DSCAML1: variants seen among roughly 807,000 people sequenced by gnomAD.
The protein encoded by DSCAML1 is cell adhesion molecule DSCAML1.
In DSCAML1, 38 loss-of-function variants were observed where a neutral mutation model predicts 200.5. That is an observed-to-expected ratio of 0.19 (90% CI 0.15 to 0.25). DSCAML1 has a LOEUF of 0.25. Ranked by LOEUF, DSCAML1 falls within the 10% of genes least tolerant of loss-of-function variation. The pLI, the probability that DSCAML1 is intolerant of heterozygous loss-of-function variation, is 1.00. For synonymous variants in DSCAML1, 1,215 were observed against 1,165.0 expected, an observed-to-expected ratio of 1.04 and a Z score of -0.87; for missense variants, 2,223 against 2,858.8, an observed-to-expected ratio of 0.78 and a Z score of 5.07.
At chr11:117,757,995 G>C (rs11216532) in intron 3 of DSCAML1, among the ~76,000 whole-genome samples, 3 of 85,516 alleles carry the variant, frequency 3.5e-5, no homozygotes, top group Admixed American at 1.6e-4. Context: ...ACCTCAAAAA[G>C]CAAAAACAAA....
In DSCAML1 at chr11:117,518,644, G is replaced by C; in HGVS notation, c.1332C>G (p.Asp444Glu). The C allele has an allele frequency of 3.1e-6, 5 of 1,613,418 alleles. No individual in the cohort carries two copies. Among genetic ancestry groups the C allele is most frequent in the Non-Finnish European group, 4.2e-6 (5 of 1,179,916 alleles). ...APPPTVTWAL[D>E]DEPIVRDGSH... The stretch of plus-strand genomic sequence containing the variant: ...TGCCATCCCGCACGATGGGCTCATC[G>C]TCGAGGGCCCAGGTGACCGTGGGGG... Residue 444 changes from aspartate (D) to glutamate (E), a missense_variant, in exon 7 of 33, where the codon GAC becomes GAG. Around this residue, in one of 7 missense-constraint regions of DSCAML1, gnomAD observed 579 missense variants for 721.5 expected, o/e 0.80. Transcript: ENST00000651296. This position sits in a 1 kb window ranked among gnomAD's most constrained non-coding sequence, Gnocchi z 6.3.
chr11:117,451,557 C>T (rs1299076853), intron 19 of DSCAML1, among the ~76,000 whole-genome samples: 1 of 152,210 alleles, frequency 6.6e-6, no homozygotes, highest in Non-Finnish European at 1.5e-5. Flanking sequence ...GGTGCGGTGG[C>T]TCATGCCTGT....
At chr11:117,530,709 A>G (rs763612035) in intron 4 of DSCAML1, among the ~76,000 whole-genome samples, 2 of 152,054 alleles carry the variant, frequency 1.3e-5, no homozygotes, top group Non-Finnish European at 2.9e-5. Flanking sequence ...TCCTGGAGAG[A>G]GTCTCTGTGG....
Position 117,504,108 on chromosome 11 carries a change from T to C in DSCAML1, c.2183-87A>G. ...CAGGAGTGGCCCTGACACCTCGCTCTTGCAGATCTAGGGCCATTTTGTAGC... is the reference window on the plus strand; with the variant it reads ...CAGGAGTGGCCCTGACACCTCGCTCCTGCAGATCTAGGGCCATTTTGTAGC... On this transcript the variant is annotated intron_variant, in intron 10 of 32. Transcript: ENST00000651296. The surrounding 1 kb of genome is among the most constrained non-coding windows in gnomAD (Gnocchi z 5.0). 1 of 1,484,064 alleles carries C rather than the reference T, an allele frequency of 6.7e-7. No individual in the cohort carries two copies. 91.9% of individuals were successfully genotyped at this position (1,484,064 alleles called of 1,614,324 possible).
At chr11:117,710,670 A>T (rs991607241) in intron 3 of DSCAML1, among the ~76,000 whole-genome samples, 5 of 152,232 alleles carry the variant, frequency 3.3e-5, no homozygotes, top group African/African-American at 1.2e-4. Flanking sequence ...CTGTGAGGTC[A>T]TTAGTGTTAA....
chr11:117,522,211 GA>G (rs1212756118), intron 5 of DSCAML1, among the ~76,000 whole-genome samples: 2 of 152,156 alleles, frequency 1.3e-5, no homozygotes, highest in African/African-American at 4.8e-5. Flanking sequence ...CCTCTTCCAG[GA>G]AGCCTTCCTG....
intron 19 of DSCAML1, among the ~76,000 whole-genome samples, chr11:117,455,040 G>A (rs1263081111): frequency 6.6e-6 from 1 of 152,182 alleles, no homozygotes; most frequent in East Asian, 1.9e-4. Context: ...TGTTCCAAAT[G>A]TCAGGCTCAC....
At chr11:117,814,610 G>GGGGTGAGGCACTGGGATCGGT (rs2055787919) in intron 1 of DSCAML1, among the ~76,000 whole-genome samples, 2 of 152,362 alleles carry the variant, frequency 1.3e-5, no homozygotes, top group African/African-American at 4.8e-5. Context: ...TGCCCAAAGG[G>GGGGTGAGGCACTGGGATCGGT]GGGTGAGGCA....
At chr11:117,711,456 G>A (rs2053847835) in intron 3 of DSCAML1, among the ~76,000 whole-genome samples, 1 of 152,198 alleles carries the variant, frequency 6.6e-6, no homozygotes, top group South Asian at 2.1e-4. Flanking sequence ...CTTGGCTTAG[G>A]TGAAGGTTCA....
chr11:117,547,361 C>T lies in DSCAML1; in HGVS notation c.512-14839G>A, dbSNP rs184882523. On this transcript the variant is annotated intron_variant, in intron 3 of 32. Transcript: ENST00000651296. ...CAACAGAACCCCAGTAGCTGCACGG[C>T]GGCAGGGAAGGGGACCCTTGTGTGC... Among the ~76,000 whole-genome samples, 105 of 152,300 alleles carry T rather than the reference C, an allele frequency of 6.9e-4. 1 individual carries two copies. Among genetic ancestry groups the T allele is most frequent in the Non-Finnish European group, 1.3e-3 (89 of 68,018 alleles).
intron 3 of DSCAML1, among the ~76,000 whole-genome samples, chr11:117,567,184 C>T (rs540044493): frequency 2.4e-3 from 359 of 152,344 alleles, no homozygotes; most frequent in African/African-American, 7.6e-3. Flanking sequence ...AACTAGTTTA[C>T]GGTCCCACTA....
upstream of DSCAML1, chr11:117,797,239 C>A (rs972924102): frequency 6.9e-7 from 1 of 1,450,342 alleles, no homozygotes; most frequent in African/African-American, 1.5e-5. Flanking sequence ...CCTCCCTCCT[C>A]GGCTCCCCGG....
intron 14 of DSCAML1, among the ~76,000 whole-genome samples, chr11:117,472,925 A>C (rs538691050): frequency 6.6e-6 from 1 of 152,294 alleles, no homozygotes; most frequent in Admixed American, 6.5e-5. Flanking sequence ...CACACCCGGG[A>C]TTCTTAACCA....
chr11:117,801,491 C>G (rs1053072587), upstream of DSCAML1: 1 of 152,174 alleles, frequency 6.6e-6, no homozygotes, highest in African/African-American at 2.4e-5. Flanking sequence ...ACAAAATAAA[C>G]AGTTTTGGCT....
chr11:117,444,044 G>T lies in DSCAML1; in HGVS notation c.3709-5C>A, dbSNP rs770064594. 1 of 1,609,466 alleles carries T rather than the reference G, an allele frequency of 6.2e-7. No individual in the cohort carries two copies. The highest frequency in any genetic ancestry group is 8.5e-7 in the Non-Finnish European group (1 of 1,177,346). On this transcript the variant is annotated splice_polypyrimidine_tract_variant and splice_region_variant and intron_variant, in intron 20 of 32. Coordinates refer to ENST00000651296, the MANE Select transcript of DSCAML1 (RefSeq NM_020693.4). ...CGTCTCGTACTCGCTGGGAGCCTGCGGGGCAGAGGCAAAGAGGCTCTAAGA... is the reference window on the plus strand; with the variant it reads ...CGTCTCGTACTCGCTGGGAGCCTGCTGGGCAGAGGCAAAGAGGCTCTAAGA...
intron 11 of DSCAML1, among the ~76,000 whole-genome samples, chr11:117,494,772 C>G (rs1269001924): frequency 6.6e-6 from 1 of 152,066 alleles, no homozygotes; most frequent in Non-Finnish European, 1.5e-5. Flanking sequence ...GAGAAGAGAC[C>G]CACATAGAGG....
intron 1 of DSCAML1, among the ~76,000 whole-genome samples, chr11:117,811,428 A>G (rs181198735): frequency 1.3e-5 from 2 of 152,234 alleles, no homozygotes; most frequent in Non-Finnish European, 2.9e-5. Flanking sequence ...TAATAAAAAA[A>G]GTTGCAATTC....
At chr11:117,805,387 G>C (rs550419441) in intron 1 of DSCAML1, among the ~76,000 whole-genome samples, 1 of 152,256 alleles carries the variant, frequency 6.6e-6, no homozygotes, top group African/African-American at 2.4e-5. Flanking sequence ...CCTTATTTTT[G>C]ATAAATCCAG....
At chr11:117,473,268 G>A (rs937407798) in intron 14 of DSCAML1, among the ~76,000 whole-genome samples, 11 of 152,136 alleles carry the variant, frequency 7.2e-5, no homozygotes, top group Admixed American at 6.5e-4. Flanking sequence ...AGGCCAAGGC[G>A]GGTGGATCAT....
Sources: allele counts gnomAD v4.1 joint callset (sites outside exome capture counted in the v4.1 genomes callset), GRCh38; gene constraint gnomAD v4.1.1; regional missense constraint gnomAD v4.1.1; non-coding constraint Gnocchi (gnomAD v3.1); transcripts MANE v1.5; gene names NCBI Gene and HGNC (gene_info 2026-07-23, HGNC 2026-07-21).